Variants in SPHKAP observed in about 807,000 individuals in gnomAD.
SPHKAP encodes the protein SPHK1 interactor, AKAP domain containing.
Under a neutral mutation model 137.5 loss-of-function variants are expected in SPHKAP, and 67 were observed. The observed-to-expected ratio is 0.49, with a 90% CI of 0.40 to 0.60. SPHKAP has a LOEUF of 0.60. Ranked by LOEUF, SPHKAP falls within the 20% of genes least tolerant of loss-of-function variation. SPHKAP has a pLI of 0.00. For missense variants in SPHKAP, 2,097 were observed against 2,069.3 expected (o/e 1.01, Z -0.26); for synonymous variants, 813 against 785.3 (o/e 1.04, Z -0.59).
At chr2:228,071,667 G>A (rs763882262) in intron 3 of SPHKAP, among the ~76,000 whole-genome samples, 5 of 152,022 alleles carry the variant, frequency 3.3e-5, no homozygotes, top group Non-Finnish European at 7.4e-5. Flanking sequence ...TGCAGTGATG[G>A]CTTCACAAAT....
chr2:228,119,108 A>C (rs1307938997), intron 2 of SPHKAP, among the ~76,000 whole-genome samples: 1 of 152,130 alleles, frequency 6.6e-6, no homozygotes, highest in Non-Finnish European at 1.5e-5. Context: ...GAAGCCAGCC[A>C]CACTCCCATC....
chr2:228,079,355 G>A (rs921252892), intron 3 of SPHKAP, among the ~76,000 whole-genome samples: 1 of 152,128 alleles, frequency 6.6e-6, no homozygotes, highest in Non-Finnish European at 1.5e-5. Context: ...GTCACCAATT[G>A]GTATGGGTCC....
Position 228,169,511 on chromosome 2 carries a change from C to T in SPHKAP, c.32+12056G>A, listed in dbSNP as rs572096891. 5.3e-5 allele frequency among the ~76,000 whole-genome samples: 8 copies of T among 152,236 alleles called. No individual in the cohort carries two copies. The South Asian group carries it at 1.7e-3, about 32-fold the overall frequency. On this transcript the variant is annotated intron_variant, in intron 1 of 11. Coordinates refer to ENST00000392056, the MANE Select transcript of SPHKAP (RefSeq NM_001142644.2). Reference sequence around the variant, plus strand: ...GCCTGGATGATAGCATGTCTGTTTACAGCACAGTTTGCTGTTTATTTTAAG... The same window carrying T: ...GCCTGGATGATAGCATGTCTGTTTATAGCACAGTTTGCTGTTTATTTTAAG...
intron 6 of SPHKAP, among the ~76,000 whole-genome samples, chr2:228,020,883 T>A (rs1406246351): frequency 6.6e-6 from 1 of 151,900 alleles, no homozygotes; most frequent in African/African-American, 2.4e-5. Flanking sequence ...CAAATGCAAG[T>A]AGGAGATGTT....
intron 3 of SPHKAP, among the ~76,000 whole-genome samples, chr2:228,051,186 G>A (rs1696243861): frequency 1.3e-5 from 2 of 152,118 alleles, no homozygotes; most frequent in African/African-American, 4.8e-5. Context: ...TTGCCTTGTT[G>A]TGATCAGGTA....
At chr2:227,989,136 C>T (rs1052606932) in intron 11 of SPHKAP, among the ~76,000 whole-genome samples, 2 of 152,070 alleles carry the variant, frequency 1.3e-5, no homozygotes, top group African/African-American at 4.8e-5. Flanking sequence ...TCATTTCAGG[C>T]TGCTAGATTT....
chr2:228,039,852 T>C (rs958875531), intron 3 of SPHKAP, among the ~76,000 whole-genome samples: 4 of 152,162 alleles, frequency 2.6e-5, no homozygotes, highest in African/African-American at 9.7e-5. Flanking sequence ...ATAAGTGCAG[T>C]TTTATGTTTT....
rs564579145 is a variant in SPHKAP, at chr2:228,021,934, T to C, written c.474A>G (p.Gln158=). 4 of 1,611,176 alleles carry C rather than the reference T, an allele frequency of 2.5e-6. No individual in the cohort carries two copies. The highest frequency in any genetic ancestry group is 1.7e-5 in the Admixed American group (1 of 59,506). Residue 158 remains glutamine (Q), a synonymous_variant, in exon 6 of 12, where the codon CAA becomes CAG. Coordinates refer to ENST00000392056, the MANE Select transcript of SPHKAP (RefSeq NM_001142644.2). ...CPWLPDICLV[Q]CARGNRPNST... ...TGTTTGGTCTGTTCCCTCTTGCACA[T>C]TGGACCAAGCAGATATCTGGCAGCC...
chr2:228,174,476 T>G (rs1216694413), intron 1 of SPHKAP, among the ~76,000 whole-genome samples: 1 of 152,150 alleles, frequency 6.6e-6, no homozygotes, highest in African/African-American at 2.4e-5. Context: ...GACTTTGAGT[T>G]TGAAATCCTA....
chr2:228,142,243 T>C (rs1699627607), intron 1 of SPHKAP, among the ~76,000 whole-genome samples: 1 of 150,182 alleles, frequency 6.7e-6, no homozygotes, highest in Non-Finnish European at 1.5e-5. Flanking sequence ...CAGGGACTGC[T>C]GGGCAGAGTG....
At position 228,084,652 on chromosome 2, in the gene SPHKAP, T is replaced by TA. The variant is rs542641179; in HGVS notation, c.246+24179dup. On this transcript the variant is annotated intron_variant, in intron 3 of 11. Coordinates refer to ENST00000392056, the MANE Select transcript of SPHKAP (RefSeq NM_001142644.2). ...TGATTAATTTTGAGAAGTGCTTTCA[T>TA]ATGCTAAAAACCCAAGTGAACTTTC... Among the ~76,000 whole-genome samples the TA allele has an allele frequency of 1.5e-3, 223 of 152,318 alleles. 2 individuals carry two copies. The highest frequency in any genetic ancestry group is 5.1e-3 in the African/African-American group (213 of 41,564).
intron 3 of SPHKAP, among the ~76,000 whole-genome samples, chr2:228,075,082 G>T (rs1227468330): frequency 1.3e-5 from 2 of 152,104 alleles, no homozygotes; most frequent in Non-Finnish European, 2.9e-5. Flanking sequence ...TAGTCACCAT[G>T]GTAGCTCCAG....
intron 3 of SPHKAP, among the ~76,000 whole-genome samples, chr2:228,095,623 A>G (rs886345495): frequency 3.3e-5 from 5 of 152,190 alleles, no homozygotes; most frequent in African/African-American, 1.2e-4. Context: ...TGAGCTAGAG[A>G]GAAGAGATAG....
At chr2:228,084,184 C>T (rs1201407805) in intron 3 of SPHKAP, among the ~76,000 whole-genome samples, 1 of 152,022 alleles carries the variant, frequency 6.6e-6, no homozygotes, top group Non-Finnish European at 1.5e-5. Context: ...CTTCTGTCAT[C>T]TGCCTCTCAA....
At chr2:228,020,192 T>C (rs1487650910) in intron 6 of SPHKAP, 36 bp from the exon 7 acceptor site, 5 of 1,539,608 alleles carry the variant, frequency 3.2e-6, no homozygotes, top group African/African-American at 2.8e-5. Context: ...TATTACTTTT[T>C]GGATAGCAGG....
intron 1 of SPHKAP, among the ~76,000 whole-genome samples, chr2:228,153,856 G>A (rs12621833): frequency 1 from 152,295 of 152,298 alleles, 76,146 homozygotes; most frequent in Non-Finnish European, 1. Context: ...GAAGGACAGC[G>A]CCAGCGGGCT....
chr2:228,098,580 G>A (rs1437921017), intron 3 of SPHKAP, among the ~76,000 whole-genome samples: 2 of 152,076 alleles, frequency 1.3e-5, no homozygotes, highest in South Asian at 4.2e-4. Context: ...CATGGACACA[G>A]GAAGGGGAAC....
intron 1 of SPHKAP, among the ~76,000 whole-genome samples, chr2:228,163,965 T>G (rs13405406): frequency 0.069 from 10,512 of 152,182 alleles, 412 homozygotes; most frequent in Non-Finnish European, 0.082. Context: ...GGTGTGCCTG[T>G]GAGGGTGTTG....
rs13422410 is a variant in SPHKAP at position 228,152,925 on chromosome 2, G to C, written c.33-20840C>G. ...TAATTCCCATGTCTGTGGCAGGGGGGACCCAGTGGAAGATAATTGAATCAT... is the reference window on the plus strand; with the variant it reads ...TAATTCCCATGTCTGTGGCAGGGGGCACCCAGTGGAAGATAATTGAATCAT... On this transcript the variant is annotated intron_variant, in intron 1 of 11. Transcript: ENST00000392056. Among the ~76,000 whole-genome samples the C allele has an allele frequency of 2.7e-3, 409 of 152,202 alleles. 3 individuals carry two copies. The highest frequency in any genetic ancestry group is 8.7e-3 in the African/African-American group (360 of 41,548).
Sources: allele counts gnomAD v4.1 joint callset (sites outside exome capture counted in the v4.1 genomes callset), GRCh38; gene constraint gnomAD v4.1.1; transcripts MANE v1.5; gene names NCBI Gene and HGNC (gene_info 2026-07-23, HGNC 2026-07-21).